CD82: variants seen among roughly 807,000 people sequenced by gnomAD.
CD82 encodes the protein CD82 molecule.
CD82 carries 36 observed loss-of-function variants against 37.4 expected under a neutral mutation model. The ratio of observed to expected loss-of-function variants is 0.96; its 90% confidence interval spans 0.74 to 1.27. The LOEUF (loss-of-function observed/expected upper bound fraction) is 1.27. CD82 is among the 50% of genes most tolerant of loss of function. The probability of loss-of-function intolerance (pLI) is 0.00; values close to 1 mark genes in which losing one functional copy is unlikely to be tolerated. For missense variants in CD82, 340 were observed against 347.0 expected, an observed-to-expected ratio of 0.98 and a Z score of 0.16; for synonymous variants, 158 against 137.4, an observed-to-expected ratio of 1.15 and a Z score of -1.05.
chr11:44,575,946 C>T (rs533170171), intron 1 of CD82, among the ~76,000 whole-genome samples: 1 of 152,350 alleles, frequency 6.6e-6, no homozygotes, highest in African/African-American at 2.4e-5. Flanking sequence ...ACGTTCCCCA[C>T]CTTGACTTCT....
intron 1 of CD82, among the ~76,000 whole-genome samples, chr11:44,587,013 C>T (rs17613541): frequency 0.12 from 18,118 of 152,222 alleles, 1,174 homozygotes; most frequent in South Asian, 0.21. Flanking sequence ...GATGTCAACT[C>T]GGGCTGCTTC....
In CD82 at chr11:44,618,770, G is replaced by A. The variant is rs773268231; in HGVS notation, c.726+47G>A. 5 of 1,515,886 alleles carry A rather than the reference G, an allele frequency of 3.3e-6. No individual in the cohort carries two copies. The South Asian group carries it at 5.8e-5, about 18-fold the overall frequency. The allele number at this position is 1,515,886 out of a possible 1,614,324, so 93.9% of individuals were successfully genotyped here. Reference sequence around the variant, plus strand: ...CCTTCTCCATCCCAGGTCCTCCTGGGTTGTCTCTGTTCTGCTGATCTCCTT... The same window carrying A: ...CCTTCTCCATCCCAGGTCCTCCTGGATTGTCTCTGTTCTGCTGATCTCCTT... On this transcript the variant is annotated intron_variant, in intron 9 of 9. Transcript: ENST00000227155.
At chr11:44,613,067 A>G (rs1337108119) in intron 6 of CD82, among the ~76,000 whole-genome samples, 1 of 152,170 alleles carries the variant, frequency 6.6e-6, no homozygotes, top group Admixed American at 6.5e-5. Flanking sequence ...CTCCACCAAC[A>G]GGGTTCCCTG....
intron 4 of CD82, among the ~76,000 whole-genome samples, chr11:44,600,846 A>G (rs1192706899): frequency 6.6e-6 from 1 of 152,224 alleles, no homozygotes; most frequent in East Asian, 1.9e-4. Flanking sequence ...AGAGGCTCAG[A>G]GAGGTTAAGT....
intron 1 of CD82, among the ~76,000 whole-genome samples, chr11:44,586,881 G>A (rs1051945465): frequency 6.6e-6 from 1 of 152,196 alleles, no homozygotes; most frequent in Admixed American, 6.5e-5. Flanking sequence ...TAGGCTCTGG[G>A]AAACAGGGTG....
chr11:44,609,003 A>G lies in CD82; in HGVS notation c.336+3574A>G, dbSNP rs76266204. ...TATTATTGCCGCCATTATTCACTTC[A>G]TGAAGGCCTGGTAAGGGCTCAATAG... On this transcript the variant is annotated intron_variant, in intron 6 of 9. Coordinates refer to ENST00000227155, the MANE Select transcript of CD82 (RefSeq NM_002231.4). 7.1e-3 allele frequency among the ~76,000 whole-genome samples: 1,084 copies of G among 152,316 alleles called. 5 individuals are homozygous for G. The highest frequency in any genetic ancestry group is 0.035 in the East Asian group (183 of 5,158).
At chr11:44,564,447 T>C (rs77359459), upstream of CD82, 17,733 of 456,162 alleles carry the variant, frequency 0.039, 427 homozygotes, top group Admixed American at 0.077. Flanking sequence ...ATTGTGATAA[T>C]GGAAGTGAAA....
chr11:44,618,500 T>C (rs1590354140), intron 8 of CD82, 135 bp downstream of exon 8: 1 of 1,053,110 alleles, frequency 9.5e-7, no homozygotes, highest in South Asian at 1.4e-5. Context: ...ATCTACTTCT[T>C]TGTTAATGTA....
chr11:44,586,357 A>G (rs1853054584), intron 1 of CD82, among the ~76,000 whole-genome samples: 1 of 152,288 alleles, frequency 6.6e-6, no homozygotes, highest in Admixed American at 6.5e-5. Flanking sequence ...GGAAGGAAGT[A>G]TGTGCCTGCC....
upstream of CD82, chr11:44,564,507 T>A (rs1330753287): frequency 4.4e-6 from 2 of 456,210 alleles, no homozygotes; most frequent in Non-Finnish European, 8.8e-6. Flanking sequence ...AACCAGGTAA[T>A]CTGCCTGAGG....
At chr11:44,589,978 C>T (rs1296732257) in intron 2 of CD82, among the ~76,000 whole-genome samples, 2 of 152,034 alleles carry the variant, frequency 1.3e-5, no homozygotes, top group Non-Finnish European at 2.9e-5. Flanking sequence ...GGACTACAGG[C>T]GCCCGCCACC....
chr11:44,601,440 C>A (rs2134667696), intron 4 of CD82, among the ~76,000 whole-genome samples: 1 of 152,286 alleles, frequency 6.6e-6, no homozygotes, highest in East Asian at 1.9e-4. Flanking sequence ...CCGTGCCCCC[C>A]ACATTCTCCT....
At chr11:44,618,496 T>C in intron 8 of CD82, 131 bp downstream of exon 8, 1 of 1,057,854 alleles carries the variant, frequency 9.5e-7, no homozygotes, top group Non-Finnish European at 1.4e-6. Flanking sequence ...CTTCATCTAC[T>C]TCTTTGTTAA....
chr11:44,598,718 C>T (rs1168051746), intron 3 of CD82, among the ~76,000 whole-genome samples: 2 of 152,152 alleles, frequency 1.3e-5, no homozygotes, highest in Admixed American at 6.5e-5. Context: ...TGCCTTGGGC[C>T]GGTCCTGGCT....
chr11:44,570,096 G>A (rs1053676753), intron 1 of CD82, among the ~76,000 whole-genome samples: 4 of 152,202 alleles, frequency 2.6e-5, no homozygotes, highest in Admixed American at 1.3e-4. Context: ...CAGGGCCTCT[G>A]TGCCTCTCCA....
intron 1 of CD82, among the ~76,000 whole-genome samples, chr11:44,569,468 T>C (rs891282432): frequency 6.6e-6 from 1 of 152,188 alleles, no homozygotes; most frequent in Admixed American, 6.5e-5. Context: ...GCTGTGTGTA[T>C]GTTGTGTGAC....
chr11:44,570,565 A>G (rs1411424984), intron 1 of CD82, among the ~76,000 whole-genome samples: 1 of 152,190 alleles, frequency 6.6e-6, no homozygotes, highest in Non-Finnish European at 1.5e-5. Flanking sequence ...CTCCTTGGCA[A>G]AGTGGAGCCG....
At chr11:44,609,750 G>A (rs879340111) in intron 6 of CD82, among the ~76,000 whole-genome samples, 1 of 152,180 alleles carries the variant, frequency 6.6e-6, no homozygotes, top group Non-Finnish European at 1.5e-5. Flanking sequence ...ATGGGGCAGA[G>A]GGAGGAAGAG....
At chr11:44,588,034 G>A (rs560572392) in intron 2 of CD82, 3 of 211,602 alleles carry the variant, frequency 1.4e-5, no homozygotes, top group Admixed American at 5.1e-5. Flanking sequence ...CCTTGTTCTC[G>A]TAAATAACAG....
Sources: gnomAD v4.1 joint callset for allele counts (sites outside exome capture counted in the v4.1 genomes callset) on GRCh38, gnomAD v4.1.1 for gene constraint, MANE v1.5 for transcripts, NCBI Gene and HGNC (gene_info 2026-07-23, HGNC 2026-07-21) for gene names.